The following KIAA1549 variants were observed in gnomAD, a reference collection of about 807,000 sequenced individuals.
The protein encoded by KIAA1549 is UPF0606 protein KIAA1549.
A neutral mutation model predicts 156.4 loss-of-function variants in KIAA1549; 70 were observed. That is an observed-to-expected ratio of 0.45 (90% CI 0.37 to 0.55). The LOEUF is 0.55. KIAA1549 is among the 20% of genes least tolerant of loss of function. The probability of loss-of-function intolerance (pLI) is 0.00; values close to 1 mark genes in which losing one functional copy is unlikely to be tolerated. For missense variants in KIAA1549, 2,428 were observed against 2,540.9 expected, an observed-to-expected ratio of 0.96 and a Z score of 0.96; for synonymous variants, 1,103 against 1,066.4, an observed-to-expected ratio of 1.03 and a Z score of -0.67.
At chr7:138,842,178 A>G (rs1318851418) in intron 18 of KIAA1549, among the ~76,000 whole-genome samples, 1 of 152,250 alleles carries the variant, frequency 6.6e-6, no homozygotes, top group East Asian at 1.9e-4. Flanking sequence ...CCTTCTGTGT[A>G]AAGCCACTCC....
chr7:138,948,225 G>A (rs1041229325), intron 1 of KIAA1549, among the ~76,000 whole-genome samples: 2 of 152,142 alleles, frequency 1.3e-5, no homozygotes, highest in African/African-American at 2.4e-5. Flanking sequence ...TCACTGTGGT[G>A]GGCCATAATC....
intron 10 of KIAA1549, among the ~76,000 whole-genome samples, chr7:138,889,206 C>G (rs77731415): frequency 1.3e-5 from 2 of 152,200 alleles, no homozygotes; most frequent in African/African-American, 4.8e-5. Flanking sequence ...TACAGATGGC[C>G]TCCCCTAAGT....
At chr7:138,873,259 T>C (rs1362232335) in intron 12 of KIAA1549, among the ~76,000 whole-genome samples, 1 of 152,212 alleles carries the variant, frequency 6.6e-6, no homozygotes, top group Non-Finnish European at 1.5e-5. Context: ...ATGATGTCTG[T>C]CTGAGCCAGA....
At chr7:138,860,672 C>G (rs1247386085) in intron 16 of KIAA1549, among the ~76,000 whole-genome samples, 1 of 152,228 alleles carries the variant, frequency 6.6e-6, no homozygotes, top group Non-Finnish European at 1.5e-5. Flanking sequence ...TTGTCACTGT[C>G]CACGTGGGGA....
intron 12 of KIAA1549, among the ~76,000 whole-genome samples, chr7:138,876,851 CATGAGGGT>C (rs1287339964): frequency 1.3e-5 from 2 of 152,166 alleles, no homozygotes; most frequent in Non-Finnish European, 1.5e-5. Context: ...CATGGATGGC[CATGAGGGT>C]ATGTGTCAGG....
intron 8 of KIAA1549, among the ~76,000 whole-genome samples, chr7:138,901,665 A>C (rs917161279): frequency 6.6e-6 from 1 of 152,122 alleles, no homozygotes; most frequent in Non-Finnish European, 1.5e-5. Context: ...ATTTTTTTTT[A>C]AATGACTGCA....
chr7:138,897,702 A>ACATGGCAACAT (rs1171797297), intron 9 of KIAA1549, among the ~76,000 whole-genome samples: 1 of 151,814 alleles, frequency 6.6e-6, no homozygotes, highest in African/African-American at 2.4e-5. Flanking sequence ...AGACCAGCCT[A>ACATGGCAACAT]GGCAACATGG....
At chr7:138,854,948 C>T (rs768604368) in intron 16 of KIAA1549, among the ~76,000 whole-genome samples, 9 of 152,178 alleles carry the variant, frequency 5.9e-5, no homozygotes, top group Non-Finnish European at 1.3e-4. Context: ...CAGAATCACG[C>T]TACACACTGA....
chr7:138,923,524 C>T (rs984946328), intron 1 of KIAA1549, among the ~76,000 whole-genome samples: 1 of 151,806 alleles, frequency 6.6e-6, no homozygotes, highest in Non-Finnish European at 1.5e-5. Flanking sequence ...CACATGAACC[C>T]GGGAGGTGGA....
chr7:138,832,034 G>A lies in KIAA1549; in HGVS notation c.*5872C>T, dbSNP rs1422183745. 1 of 231,266 alleles carries A rather than the reference G, an allele frequency of 4.3e-6. No homozygotes were observed. The highest frequency in any genetic ancestry group is 8.5e-6 in the Non-Finnish European group (1 of 116,994). The allele number at this position is 231,266 out of a possible 1,614,324, so 14.3% of individuals were successfully genotyped here. On this transcript the variant is annotated 3_prime_UTR_variant, in exon 20 of 20. Transcript: ENST00000422774. ...CTTGGCCCTGTACTATTCCCAACTT[G>A]TACACTTAGGGAGTCAAGTTATGAA...
At chr7:138,927,984 G>C (rs1465971060) in intron 1 of KIAA1549, among the ~76,000 whole-genome samples, 1 of 147,824 alleles carries the variant, frequency 6.8e-6, no homozygotes, top group Non-Finnish European at 1.5e-5. Flanking sequence ...GCAGTGGTGC[G>C]ATCTTGGCTC....
In KIAA1549 at chr7:138,833,022, A is replaced by G. The variant is rs1475516619; in HGVS notation, c.*4884T>C. 3 of 232,040 alleles carry G rather than the reference A, an allele frequency of 1.3e-5. No individual in the cohort carries two copies. The highest frequency in any genetic ancestry group is 6.6e-5 in the African/African-American group (3 of 45,274). 14.4% of individuals were successfully genotyped at this position (232,040 alleles called of 1,614,324 possible). A position where few individuals can be genotyped will look rare whatever the true frequency, so the allele number is the denominator to read the frequency against. On this transcript the variant is annotated 3_prime_UTR_variant, in exon 20 of 20. Transcript: ENST00000422774. ...TGAAGTTCAGTTGACTATGCCATAG[A>G]AATGTGTTTTGTGTTCACATGCTCT... is the stretch of plus-strand genomic sequence containing the variant.
chr7:138,963,240 G>A (rs1205753989), intron 1 of KIAA1549, among the ~76,000 whole-genome samples: 1 of 152,226 alleles, frequency 6.6e-6, no homozygotes, highest in Non-Finnish European at 1.5e-5. Context: ...CAGGACCCAG[G>A]CAAGCACACT....
chr7:138,933,109 C>A (rs1194299980), intron 1 of KIAA1549, among the ~76,000 whole-genome samples: 1 of 151,946 alleles, frequency 6.6e-6, no homozygotes, highest in East Asian at 1.9e-4. Flanking sequence ...GTGGCAGAAG[C>A]CAGGCTGACT....
chr7:138,965,218 C>G (rs2130563112), intron 1 of KIAA1549, among the ~76,000 whole-genome samples: 1 of 152,190 alleles, frequency 6.6e-6, no homozygotes. Flanking sequence ...TCGATCGTAT[C>G]TGAGATGAGA....
intron 1 of KIAA1549, among the ~76,000 whole-genome samples, chr7:138,920,169 T>TA: frequency 6.9e-6 from 1 of 145,698 alleles, no homozygotes; most frequent in African/African-American, 2.6e-5. Flanking sequence ...TGGAATGCCC[T>TA]TCCCAGCTCT....
At chr7:138,970,997 A>T (rs577709266) in intron 1 of KIAA1549, among the ~76,000 whole-genome samples, 204 of 152,238 alleles carry the variant, frequency 1.3e-3, no homozygotes, top group Non-Finnish European at 2.3e-3. Flanking sequence ...ACTCCAAAGG[A>T]CTGGGAAGCA....
rs1443043356 is a variant in KIAA1549 at position 138,844,394 on chromosome 7, G to A, written c.5375C>T (p.Ala1792Val). The A allele has an allele frequency of 1.2e-6, 2 of 1,609,492 alleles. No homozygotes were observed. The highest frequency in any genetic ancestry group is 2.2e-5 in the South Asian group (2 of 90,486). The change falls in exon 18 of 20, where the codon GCC becomes GTC. Residue 1792 changes from alanine (A) to valine (V), a missense_variant. Around this residue, in one of 5 missense-constraint regions of KIAA1549, gnomAD observed 363 missense variants for 354.0 expected, o/e 1.03. Transcript: ENST00000422774. ...GTAGATCCCTCTGGCAGCAAATGGG[G>A]CTTCGGCGGAGGCCTGTGGCTGCTG... ...DPQQPQASAE[A>V]PFAARGIYSE...
intron 1 of KIAA1549, among the ~76,000 whole-genome samples, chr7:138,970,192 T>C (rs1427567158): frequency 6.6e-6 from 1 of 152,218 alleles, no homozygotes; most frequent in Non-Finnish European, 1.5e-5. Context: ...TATTCATTCA[T>C]CTGTCCACAG....
Sources: gnomAD v4.1 joint callset for allele counts (sites outside exome capture counted in the v4.1 genomes callset) on GRCh38, gnomAD v4.1.1 for gene constraint, gnomAD v4.1.1 regional missense constraint, MANE v1.5 for transcripts, NCBI Gene and HGNC (gene_info 2026-07-23, HGNC 2026-07-21) for gene names.